ARHGAP26: variants seen among roughly 807,000 people sequenced by gnomAD.
ARHGAP26 encodes the protein rho GTPase-activating protein 26.
ARHGAP26 carries 38 observed loss-of-function variants against 104.8 expected under a neutral mutation model. The observed-to-expected ratio is 0.36, with a 90% confidence interval of 0.28 to 0.48. The LOEUF is 0.48. Ranked by LOEUF, ARHGAP26 falls within the 20% of genes least tolerant of loss-of-function variation. ARHGAP26 has a pLI of 0.99. For missense variants in ARHGAP26, 704 were observed against 947.9 expected (o/e 0.74, Z 3.38); for synonymous variants, 341 against 340.0 (o/e 1.00, Z -0.03).
At chr5:143,210,160 G>C (rs528999727) in intron 21 of ARHGAP26, among the ~76,000 whole-genome samples, 2 of 152,140 alleles carry the variant, frequency 1.3e-5, no homozygotes, top group African/African-American at 2.4e-5. Context: ...AGAAAAAGAC[G>C]TTTAACGGAC....
At chr5:143,111,988 A>C (rs1181263477) in intron 17 of ARHGAP26, among the ~76,000 whole-genome samples, 1 of 152,174 alleles carries the variant, frequency 6.6e-6, no homozygotes, top group African/African-American at 2.4e-5. Context: ...GGCCTCCCAC[A>C]GCATCCATGT....
chr5:143,162,292 C>T (rs955790605), intron 20 of ARHGAP26, among the ~76,000 whole-genome samples: 5 of 93,630 alleles, frequency 5.3e-5, no homozygotes, highest in Non-Finnish European at 1.4e-4. Context: ...CATACACACA[C>T]ACACACACAC....
At chr5:142,959,250 C>T (rs1223249326) in intron 11 of ARHGAP26, among the ~76,000 whole-genome samples, 1 of 152,212 alleles carries the variant, frequency 6.6e-6, no homozygotes, top group Admixed American at 6.5e-5. Context: ...CTTTGTCAAA[C>T]TTACTAGACA....
chr5:143,168,772 GA>G (rs1241034466), intron 20 of ARHGAP26: 6 of 152,032 alleles, frequency 3.9e-5, no homozygotes, highest in Non-Finnish European at 7.4e-5. Flanking sequence ...AAACAATCAG[GA>G]TAGACCAGAT....
chr5:142,989,320 T>C (rs971709020), intron 11 of ARHGAP26, among the ~76,000 whole-genome samples: 2 of 152,044 alleles, frequency 1.3e-5, no homozygotes, highest in African/African-American at 4.8e-5. Context: ...CAACTCCTGC[T>C]TTTTTTTGTT....
chr5:143,209,237 C>T (rs182359829), intron 21 of ARHGAP26, among the ~76,000 whole-genome samples: 1 of 152,220 alleles, frequency 6.6e-6, no homozygotes, highest in African/African-American at 2.4e-5. Flanking sequence ...AGATTTGGGG[C>T]CCTGTTTCTT....
chr5:143,148,382 C>G lies in ARHGAP26; in HGVS notation c.1988+1001C>G, dbSNP rs550693799. Among the ~76,000 whole-genome samples the G allele has an allele frequency of 3.3e-5, 5 of 152,182 alleles. No individual in the cohort carries two copies. The South Asian group carries it at 6.2e-4, about 19-fold the overall frequency. On this transcript the variant is annotated intron_variant, in intron 20 of 22. Transcript: ENST00000645722. Reference sequence around the variant, plus strand: ...ATATTTACAAATCTGCAAAATGAGTCTGATAATTTCTGCCTTAGAAGACAC... The same window carrying G: ...ATATTTACAAATCTGCAAAATGAGTGTGATAATTTCTGCCTTAGAAGACAC...
rs79491693 is a variant in ARHGAP26 at position 142,855,526 on chromosome 5, G to A, written c.155-17874G>A. On this transcript the variant is annotated intron_variant, in intron 1 of 22. Transcript: ENST00000645722. ...CCCATCATTATTGACTGCCTGTTATGCACTAGGCCTATATCCATGCATCTC... is the reference window on the plus strand; with the variant it reads ...CCCATCATTATTGACTGCCTGTTATACACTAGGCCTATATCCATGCATCTC... 1.1e-3 allele frequency among the ~76,000 whole-genome samples: 169 copies of A among 152,262 alleles called. No homozygotes were observed. In the East Asian group the frequency reaches 0.028, roughly 25 times the overall value.
At chr5:142,843,686 A>C (rs1307866352) in intron 1 of ARHGAP26, among the ~76,000 whole-genome samples, 9 of 152,186 alleles carry the variant, frequency 5.9e-5, no homozygotes, top group Non-Finnish European at 1.0e-4. Context: ...GTATGAAGAC[A>C]TGGGGCACGG....
At chr5:143,091,320 G>C (rs1791411104) in intron 17 of ARHGAP26, among the ~76,000 whole-genome samples, 1 of 152,154 alleles carries the variant, frequency 6.6e-6, no homozygotes, top group African/African-American at 2.4e-5. Flanking sequence ...TCAGGCTGGT[G>C]CTATTTACCA....
chr5:143,175,989 CT>C (rs1186698438), intron 20 of ARHGAP26, among the ~76,000 whole-genome samples: 17 of 152,144 alleles, frequency 1.1e-4, no homozygotes, highest in Non-Finnish European at 5.9e-5. Flanking sequence ...TGGTGTGCCC[CT>C]GTAATCCCAG....
intron 13 of ARHGAP26, 121 bp from the exon 14 acceptor site, chr5:143,041,695 A>G: frequency 1.4e-6 from 1 of 711,612 alleles, no homozygotes. Context: ...CTTTAATTAG[A>G]GCAGCTTTTA....
chr5:142,846,405 A>C (rs1313989009), intron 1 of ARHGAP26, among the ~76,000 whole-genome samples: 1 of 151,936 alleles, frequency 6.6e-6, no homozygotes, highest in African/African-American at 2.4e-5. Context: ...CTCCCAGGGG[A>C]ATGTCTTTTG....
intron 1 of ARHGAP26, among the ~76,000 whole-genome samples, chr5:142,820,655 C>A (rs1012729703): frequency 6.6e-6 from 1 of 152,294 alleles, no homozygotes; most frequent in African/African-American, 2.4e-5. Flanking sequence ...TTGCCCTAGA[C>A]ATGCAGAGCA....
intron 1 of ARHGAP26, among the ~76,000 whole-genome samples, chr5:142,832,562 C>A (rs916790785): frequency 1.3e-5 from 2 of 152,260 alleles, no homozygotes; most frequent in Admixed American, 6.5e-5. Context: ...CTGACTAATA[C>A]AAATAACAAA....
In ARHGAP26 at chr5:143,014,089, T is replaced by G; in HGVS notation, c.1117T>G (p.Ser373Ala). 1 of 1,614,140 alleles carries G rather than the reference T, an allele frequency of 6.2e-7. No individual in the cohort carries two copies. Among genetic ancestry groups the G allele is most frequent in the Non-Finnish European group, 8.5e-7 (1 of 1,180,004 alleles). Residue 373 changes from serine to alanine, a missense_variant, in exon 12 of 23, where the codon TCG (serine) becomes GCG (alanine). Around this residue, in one of 6 missense-constraint regions of ARHGAP26, gnomAD observed 287 missense variants for 438.8 expected, o/e 0.65. Transcript: ENST00000645722. ...AMDGREPVYNSNKDSQSEGTA... is the reference protein window; with the variant it reads ...AMDGREPVYNANKDSQSEGTA... Reference sequence around the variant, plus strand: ...TATTTTTATTTTCCAGGTCTACAACTCGAACAAAGACAGCCAGAGTGAAGG... The same window carrying G: ...TATTTTTATTTTCCAGGTCTACAACGCGAACAAAGACAGCCAGAGTGAAGG...
chr5:142,835,286 T>G (rs887976106), intron 1 of ARHGAP26, among the ~76,000 whole-genome samples: 1 of 152,250 alleles, frequency 6.6e-6, no homozygotes, highest in African/African-American at 2.4e-5. Context: ...CATTTGTACC[T>G]TAACCCATCA....
intron 11 of ARHGAP26, among the ~76,000 whole-genome samples, chr5:142,938,523 C>T (rs747160195): frequency 7.2e-5 from 11 of 152,184 alleles, no homozygotes; most frequent in Non-Finnish European, 1.2e-4. Context: ...GGCGAGTTTC[C>T]AATAACTAAA....
intron 19 of ARHGAP26, among the ~76,000 whole-genome samples, chr5:143,139,175 A>G (rs1226762684): frequency 6.6e-6 from 1 of 152,254 alleles, no homozygotes; most frequent in Non-Finnish European, 1.5e-5. Context: ...CTTTCAGGCC[A>G]AACTAAATTT....
Sources: allele counts gnomAD v4.1 joint callset (sites outside exome capture counted in the v4.1 genomes callset), GRCh38; gene constraint gnomAD v4.1.1; regional missense constraint gnomAD v4.1.1; transcripts MANE v1.5; gene names NCBI Gene and HGNC (gene_info 2026-07-23, HGNC 2026-07-21).